The following SRP68 variants were observed in gnomAD, a reference collection of about 807,000 sequenced individuals.
SRP68 encodes the protein signal recognition particle subunit SRP68.
A neutral mutation model predicts 82.2 loss-of-function variants in SRP68; 15 were observed. The ratio of observed to expected loss-of-function variants is 0.18; its 90% CI spans 0.12 to 0.28. The LOEUF is 0.28. Ranked by LOEUF, SRP68 falls within the 10% of genes least tolerant of loss-of-function variation. The pLI is 1.00. For synonymous variants in SRP68, 261 were observed against 292.6 expected, an observed-to-expected ratio of 0.89 and a Z score of 1.10; for missense variants, 595 against 780.5, an observed-to-expected ratio of 0.76 and a Z score of 2.83.
chr17:76,048,092 G>T, intron 9 of SRP68, 122 bp from the exon 10 acceptor site: 1 of 467,562 alleles, frequency 2.1e-6, no homozygotes. Flanking sequence ...AGTAAGACAG[G>T]AGTCCTCAAA....
At chr17:76,062,790 A>T (rs2066777170) in intron 4 of SRP68, among the ~76,000 whole-genome samples, 1 of 109,390 alleles carries the variant, frequency 9.1e-6, no homozygotes, top group Non-Finnish European at 1.7e-5. Flanking sequence ...ATTTTTTTTG[A>T]GATGGAGTCT....
intron 2 of SRP68, among the ~76,000 whole-genome samples, chr17:76,067,651 G>A (rs2066817491): frequency 6.6e-6 from 1 of 152,026 alleles, no homozygotes; most frequent in Non-Finnish European, 1.5e-5. Flanking sequence ...TTTTTGTAGA[G>A]ACAGGGTTTC....
intron 3 of SRP68, among the ~76,000 whole-genome samples, chr17:76,066,059 G>A (rs1001867380): frequency 4.6e-5 from 7 of 152,030 alleles, no homozygotes; most frequent in Admixed American, 2.0e-4. Context: ...AGGAAGACCC[G>A]GGGGCCTTGA....
Position 76,072,176 on chromosome 17 carries a change from G to A in SRP68, c.184+132C>T. 1 of 1,523,828 alleles carries A rather than the reference G, an allele frequency of 6.6e-7. No homozygotes were observed. Among genetic ancestry groups the A allele is most frequent in the Non-Finnish European group, 8.8e-7 (1 of 1,138,308 alleles). The allele number at this position is 1,523,828 out of a possible 1,614,324, so 94.4% of individuals were successfully genotyped here. A position where few individuals can be genotyped will look rare whatever the true frequency, so the allele number is the denominator to read the frequency against. ...CCCCCCGGAATTCTGAGCACCAAAA[G>A]GTAAGGGCGAGAGAAACTGCAACCC... On this transcript the variant is annotated intron_variant, in intron 1 of 15. Transcript: ENST00000307877. The surrounding 1 kb of genome is among the most constrained non-coding windows in gnomAD (Gnocchi z 4.5).
chr17:76,057,611 G>T, intron 7 of SRP68, 68 bp from the exon 8 acceptor site: 2 of 1,538,610 alleles, frequency 1.3e-6, no homozygotes, highest in African/African-American at 1.4e-5. Flanking sequence ...AAAATAAGTG[G>T]AATCTATCAT....
At chr17:76,047,570 G>A (rs1185784741) in intron 10 of SRP68, among the ~76,000 whole-genome samples, 1 of 152,080 alleles carries the variant, frequency 6.6e-6, no homozygotes, top group Admixed American at 6.6e-5. Flanking sequence ...GATTGCTTGA[G>A]TCCAGGAGTT....
At chr17:76,047,274 C>T (rs950950157) in intron 10 of SRP68, among the ~76,000 whole-genome samples, 3 of 152,152 alleles carry the variant, frequency 2.0e-5, no homozygotes, top group African/African-American at 4.8e-5. Flanking sequence ...TGCACCATCA[C>T]ACCCAGCTAA....
chr17:76,043,657 C>T, intron 13 of SRP68, 172 bp downstream of exon 13: 1 of 542,002 alleles, frequency 1.8e-6, no homozygotes, highest in Non-Finnish European at 3.0e-6. Flanking sequence ...TGGAGCACAG[C>T]CATGAGTGAC....
At chr17:76,046,593 G>T (rs1405433463) in intron 10 of SRP68, among the ~76,000 whole-genome samples, 1 of 151,476 alleles carries the variant, frequency 6.6e-6, no homozygotes, top group Non-Finnish European at 1.5e-5. Context: ...TCCAGCCCGA[G>T]TAATAGAGCA....
intron 7 of SRP68, 143 bp from the exon 8 acceptor site, chr17:76,057,686 A>AT (rs2066722182): frequency 6.2e-5 from 60 of 967,126 alleles, no homozygotes; most frequent in Admixed American, 7.9e-5. Context: ...AATTTCTTTC[A>AT]TTTTTTTTGA....
chr17:76,062,179 C>T (rs1013883868), intron 4 of SRP68, among the ~76,000 whole-genome samples: 6 of 151,026 alleles, frequency 4.0e-5, no homozygotes, highest in African/African-American at 9.8e-5. Flanking sequence ...CCCAGCTACT[C>T]GGGAGGCTGA....
intron 10 of SRP68, among the ~76,000 whole-genome samples, chr17:76,046,465 G>GAA (rs745410222): frequency 0.062 from 4,381 of 71,002 alleles, 110 homozygotes; most frequent in Non-Finnish European, 0.077. Flanking sequence ...CCACACAGTG[G>GAA]AAAAAAAAAA....
rs552112903 is a variant in SRP68 at position 76,066,606 on chromosome 17, GT to G, written c.365+610del. On this transcript the variant is annotated intron_variant, in intron 3 of 15. Transcript: ENST00000307877. ...ACTTCAACATTTGCCATCCCAACAG[GT>G]TTTTTTTTTTTTTTTTTGGTTTTAA... Among the ~76,000 whole-genome samples the G allele has an allele frequency of 9.5e-3, 1,182 of 123,986 alleles. 2 individuals carry two copies. The highest frequency in any genetic ancestry group is 0.018 in the African/African-American group (625 of 33,954). The allele number at this position is 123,986 out of a possible 152,430, so 81.3% of individuals were successfully genotyped here.
At chr17:76,054,263 A>G (rs1443368049) in intron 8 of SRP68, among the ~76,000 whole-genome samples, 1 of 152,162 alleles carries the variant, frequency 6.6e-6, no homozygotes, top group African/African-American at 2.4e-5. Flanking sequence ...ACATTCTCAG[A>G]TTGTTTTCAC....
intron 4 of SRP68, among the ~76,000 whole-genome samples, chr17:76,061,954 C>T (rs1013743383): frequency 7.3e-5 from 11 of 151,472 alleles, no homozygotes; most frequent in African/African-American, 2.7e-4. Flanking sequence ...GCCTGGGCAA[C>T]ACAGCAAGAT....
rs1567935037 is a variant in SRP68 at position 76,062,669 on chromosome 17, C to CATTATAT, written c.562-1102_562-1096dup. Among the ~76,000 whole-genome samples, 203 of 26,040 alleles carry CATTATAT rather than the reference C, an allele frequency of 7.8e-3. 50 individuals carry two copies. Among genetic ancestry groups the CATTATAT allele is most frequent in the African/African-American group, 0.06 (78 of 1,298 alleles). 17.1% of individuals were successfully genotyped at this position (26,040 alleles called of 152,430 possible). A position where few individuals can be genotyped will look rare whatever the true frequency, so the allele number is the denominator to read the frequency against. On this transcript the variant is annotated intron_variant, in intron 4 of 15. Transcript: ENST00000307877. ...TATACATTATATATTATATAATATA[C>CATTATAT]ATTATATAATATATAATATACATTA...
At chr17:76,046,465 G>GAAAAAAAA (rs745410222) in intron 10 of SRP68, among the ~76,000 whole-genome samples, 7 of 71,254 alleles carry the variant, frequency 9.8e-5, no homozygotes, top group Admixed American at 1.5e-4. Context: ...CCACACAGTG[G>GAAAAAAAA]AAAAAAAAAA....
At chr17:76,055,666 A>T (rs1453039989) in intron 8 of SRP68, among the ~76,000 whole-genome samples, 1 of 151,750 alleles carries the variant, frequency 6.6e-6, no homozygotes, top group Admixed American at 6.6e-5. Flanking sequence ...AGGCAGGAGA[A>T]TGGCGTGAAC....
intron 12 of SRP68, among the ~76,000 whole-genome samples, 181 bp from the exon 13 acceptor site, chr17:76,044,139 C>T (rs751337207): frequency 1.6e-4 from 24 of 152,210 alleles, no homozygotes; most frequent in Non-Finnish European, 3.1e-4. Context: ...AGAGATGCTT[C>T]CCAGCAATCA....
Sources: allele counts gnomAD v4.1 joint callset (sites outside exome capture counted in the v4.1 genomes callset), GRCh38; gene constraint gnomAD v4.1.1; non-coding constraint Gnocchi (gnomAD v3.1); transcripts MANE v1.5; gene names NCBI Gene and HGNC (gene_info 2026-07-23, HGNC 2026-07-21).